Variants in NT5E observed in about 807,000 individuals in gnomAD.
NT5E encodes the protein 5'-nucleotidase ecto, also known as 5'-nucleotidase.
Under a neutral mutation model 55.1 loss-of-function variants are expected in NT5E, and 53 were observed. That is an observed-to-expected ratio of 0.96 (90% CI 0.77 to 1.21). The LOEUF is 1.21. NT5E is among the 50% of genes most tolerant of loss of function. The pLI is 0.00. For missense variants in NT5E, 683 were observed against 724.3 expected (o/e 0.94, Z 0.65); for synonymous variants, 270 against 278.4 (o/e 0.97, Z 0.30).
intron 1 of NT5E, among the ~76,000 whole-genome samples, chr6:85,458,054 C>A (rs550934748): frequency 6.6e-6 from 1 of 152,174 alleles, no homozygotes; most frequent in Non-Finnish European, 1.5e-5. Context: ...TTTCTTCTCC[C>A]ATAAAAACTT....
At position 85,495,378 on chromosome 6, in the gene NT5E, GCTTCAC is replaced by G. The variant is rs1405393664; in HGVS notation, c.*1378_*1383del. Reference sequence around the variant, plus strand: ...GCATAAGTAATTCAAGAAATGGGAGGCTTCACCTTAAAAACAGTGTGCAAATGGCAG... The same window carrying G: ...GCATAAGTAATTCAAGAAATGGGAGGCTTAAAAACAGTGTGCAAATGGCAG... On this transcript the variant is annotated 3_prime_UTR_variant, in exon 9 of 9. Coordinates refer to ENST00000257770, the MANE Select transcript of NT5E (RefSeq NM_002526.4). 1 of 152,220 alleles carries G rather than the reference GCTTCAC, an allele frequency of 6.6e-6. No homozygotes were observed. The highest frequency in any genetic ancestry group is 6.5e-5 in the Admixed American group (1 of 15,280). The allele number at this position is 152,220 out of a possible 1,614,324, so 9.4% of individuals were successfully genotyped here.
chr6:85,478,545 AG>A (rs1239805740), intron 3 of NT5E, among the ~76,000 whole-genome samples: 1 of 152,158 alleles, frequency 6.6e-6, no homozygotes, highest in African/African-American at 2.4e-5. Context: ...GTTTCCTCTC[AG>A]GCTTAGCCAC....
At position 85,471,386 on chromosome 6, in the gene NT5E, G is replaced by C. The variant is rs550591725; in HGVS notation, c.712G>C (p.Val238Leu). The change falls in exon 3 of 9, where the codon GTC becomes CTC. Residue 238 changes from valine to leucine, a missense_variant. Val to Leu is a conservative substitution (Grantham distance 32, BLOSUM62 1). Coordinates refer to ENST00000257770, the MANE Select transcript of NT5E (RefSeq NM_002526.4). ...LIAQKVRGVD[V>L]VVGGHSNTFL... ...CGCTCAGAAAGTGAGGGGTGTGGAC[G>C]TCGTGGTGGGAGGACACTCCAACAC... 4.8e-5 allele frequency: 78 copies of C among 1,612,816 alleles called. 1 individual carries two copies. In the South Asian group the frequency reaches 8.1e-4, roughly 17 times the overall value.
intron 1 of NT5E, among the ~76,000 whole-genome samples, chr6:85,454,624 A>G (rs1582366752): frequency 6.6e-6 from 1 of 152,164 alleles, no homozygotes; most frequent in East Asian, 1.9e-4. Flanking sequence ...AATTTTGTCC[A>G]TGGTATCTTT....
At position 85,467,121 on chromosome 6, in the gene NT5E, A is replaced by G. The variant is rs750666223; in HGVS notation, c.401A>G (p.Glu134Gly). 3.7e-6 allele frequency: 6 copies of G among 1,614,216 alleles called. No individual in the cohort carries two copies. The highest frequency in any genetic ancestry group is 4.2e-6 in the Non-Finnish European group (5 of 1,180,044). ...GGACTGATCGAGCCACTCCTCAAAG[A>G]GGCCAAATTTCCAATTCTGAGTGCA... is the stretch of plus-strand genomic sequence containing the variant. ...VEGLIEPLLK[E>G]AKFPILSANI... The change falls in exon 2 of 9, where the codon GAG becomes GGG. Residue 134 changes from glutamate (E) to glycine (G), a missense_variant. Transcript: ENST00000257770.
chr6:85,485,789 C>T (rs1260393849), intron 4 of NT5E, among the ~76,000 whole-genome samples: 3 of 152,186 alleles, frequency 2.0e-5, no homozygotes, highest in Non-Finnish European at 2.9e-5. Context: ...TCCTGGCCCC[C>T]CAACTAGAGG....
chr6:85,466,748 A>G (rs2127756574), intron 1 of NT5E, among the ~76,000 whole-genome samples: 1 of 152,258 alleles, frequency 6.6e-6, no homozygotes, highest in Admixed American at 6.5e-5. Context: ...AACATGGAAA[A>G]ATTGGGCAGA....
At chr6:85,492,343 CCT>C (rs1203515004) in intron 8 of NT5E, among the ~76,000 whole-genome samples, 166 bp downstream of exon 8, 5 of 152,084 alleles carry the variant, frequency 3.3e-5, no homozygotes, top group Admixed American at 6.5e-5. Flanking sequence ...GAATATGTAC[CCT>C]GTCAATCCCC....
rs1446889749 is a variant in NT5E, at chr6:85,471,277, A to G, written c.603A>G (p.Gln201=). Residue 201 remains glutamine, a synonymous_variant, in exon 3 of 9, where the codon CAA becomes CAG. Coordinates refer to ENST00000257770, the MANE Select transcript of NT5E (RefSeq NM_002526.4). ...TTGAAGATGAAATCACTGCATTACA[A>G]CCTGAAGTAGATAAGTTAAAAACTC... ...LVFEDEITAL[Q]PEVDKLKTLN... 3 of 1,611,816 alleles carry G rather than the reference A, an allele frequency of 1.9e-6. No homozygotes were observed. Among genetic ancestry groups the G allele is most frequent in the Middle Eastern group, 1.7e-4 (1 of 6,052 alleles).
intron 3 of NT5E, among the ~76,000 whole-genome samples, chr6:85,474,212 T>C (rs1209650766): frequency 6.6e-6 from 1 of 152,246 alleles, no homozygotes; most frequent in Non-Finnish European, 1.5e-5. Flanking sequence ...TTACTTATAA[T>C]ACTTGATACA....
At chr6:85,482,539 G>A (rs9344530) in intron 3 of NT5E, among the ~76,000 whole-genome samples, 19,646 of 152,140 alleles carry the variant, frequency 0.13, 1,461 homozygotes, top group African/African-American at 0.21. Context: ...TGGTTCCCAG[G>A]ACAGAGTCCT....
intron 4 of NT5E, among the ~76,000 whole-genome samples, chr6:85,486,312 A>G (rs1220299608): frequency 6.6e-6 from 1 of 152,234 alleles, no homozygotes; most frequent in Non-Finnish European, 1.5e-5. Context: ...GATATTAATC[A>G]GCAGTAACAA....
At chr6:85,490,198 G>A (rs770011074) in intron 6 of NT5E, among the ~76,000 whole-genome samples, 1 of 152,156 alleles carries the variant, frequency 6.6e-6, no homozygotes, top group Non-Finnish European at 1.5e-5. Flanking sequence ...CTGGAGGAAC[G>A]GAACAATGCA....
At chr6:85,484,839 G>C (rs1476591626) in intron 3 of NT5E, among the ~76,000 whole-genome samples, 2 of 152,080 alleles carry the variant, frequency 1.3e-5, no homozygotes, top group East Asian at 3.9e-4. Context: ...GTTTAAAATG[G>C]ATTTCGCCCA....
At position 85,482,160 on chromosome 6, in the gene NT5E, T is replaced by C. The variant is rs554211699; in HGVS notation, c.752-3075T>C. Among the ~76,000 whole-genome samples, 48 of 152,358 alleles carry C rather than the reference T, an allele frequency of 3.2e-4. No homozygotes were observed. In the South Asian group the frequency reaches 7.0e-3, roughly 22 times the overall value. ...TAAACCAGTTCTTGTGTTAAAATCA[T>C]AGCATGGACTGCCTTACAACATTCT... On this transcript the variant is annotated intron_variant, in intron 3 of 8. Coordinates refer to ENST00000257770, the MANE Select transcript of NT5E (RefSeq NM_002526.4).
At chr6:85,491,081 G>C (rs1297704189) in intron 7 of NT5E, 1 of 530,368 alleles carries the variant, frequency 1.9e-6, no homozygotes, top group African/African-American at 1.9e-5. Context: ...ATGATTCCTG[G>C]AAGGAGCAGC....
At position 85,450,613 on chromosome 6, in the gene NT5E, G is replaced by A. The variant is rs1474785363; in HGVS notation, c.339+135G>A. The A allele has an allele frequency of 3.8e-6, 3 of 799,780 alleles. No individual in the cohort carries two copies. Among genetic ancestry groups the A allele is most frequent in the Non-Finnish European group, 6.3e-6 (3 of 479,104 alleles). 49.5% of individuals were successfully genotyped at this position (799,780 alleles called of 1,614,324 possible). A position where few individuals can be genotyped will look rare whatever the true frequency, so the allele number is the denominator to read the frequency against. ...GATGTGGGGATAAAGTGAGACTCCGGCCAGTGTGCCAGCTGGATGCATAGA... is the reference window on the plus strand; with the variant it reads ...GATGTGGGGATAAAGTGAGACTCCGACCAGTGTGCCAGCTGGATGCATAGA... On this transcript the variant is annotated intron_variant, in intron 1 of 8. Coordinates refer to ENST00000257770, the MANE Select transcript of NT5E (RefSeq NM_002526.4). The surrounding 1 kb of genome is among the most constrained non-coding windows in gnomAD (Gnocchi z 4.0).
chr6:85,491,130 C>T (rs1769772767), intron 7 of NT5E: 1 of 525,942 alleles, frequency 1.9e-6, no homozygotes, highest in Admixed American at 2.0e-5. Context: ...GTTCTAGTCC[C>T]ACTGTGACCT....
chr6:85,455,046 TG>T (rs1009769353), intron 1 of NT5E, among the ~76,000 whole-genome samples: 7 of 152,180 alleles, frequency 4.6e-5, no homozygotes, highest in Admixed American at 2.0e-4. Flanking sequence ...CAGAAGAGGT[TG>T]TGTAAACTCT....
Sources: allele counts gnomAD v4.1 joint callset (sites outside exome capture counted in the v4.1 genomes callset), GRCh38; gene constraint gnomAD v4.1.1; non-coding constraint Gnocchi (gnomAD v3.1); transcripts MANE v1.5; gene names NCBI Gene and HGNC (gene_info 2026-07-23, HGNC 2026-07-21).